The following SGCG variants were observed in gnomAD, a reference collection of about 807,000 sequenced individuals.
The protein encoded by SGCG is gamma-sarcoglycan.
Under a neutral mutation model 29.3 loss-of-function variants are expected in SGCG, and 26 were observed. That is an observed-to-expected ratio of 0.89 (90% CI 0.65 to 1.23). SGCG has a LOEUF of 1.23. SGCG is among the 50% of genes most tolerant of loss of function. The pLI is 0.00. For synonymous variants in SGCG, 145 were observed against 129.7 expected, an observed-to-expected ratio of 1.12 and a Z score of -0.80; for missense variants, 353 against 356.0, an observed-to-expected ratio of 0.99 and a Z score of 0.07.
At position 23,203,798 on chromosome 13, in the gene SGCG, G is replaced by T. The variant is rs771255124; in HGVS notation, c.104G>T (p.Cys35Phe). ...KIGIYGWRKR[C>F]LYLFVLLLLI... ...GGCATTTATGGCTGGAGAAAGCGCTGTCTCTACTTGTTTGTTCTTCTTTTA... is the reference window on the plus strand; with the variant it reads ...GGCATTTATGGCTGGAGAAAGCGCTTTCTCTACTTGTTTGTTCTTCTTTTA... The change falls in exon 2 of 8, where the codon TGT becomes TTT. Residue 35 changes from cysteine to phenylalanine, a missense_variant. Physicochemically the swap from Cys to Phe is radical, Grantham distance 205. Coordinates refer to ENST00000218867, the MANE Select transcript of SGCG (RefSeq NM_000231.3). The T allele has an allele frequency of 6.2e-7, 1 of 1,613,876 alleles. No homozygotes were observed. Among genetic ancestry groups the T allele is most frequent in the East Asian group, 2.2e-5 (1 of 44,872 alleles).
chr13:23,166,528 C>G, the SGCG span, among the ~76,000 whole-genome samples: 3 of 152,178 alleles, frequency 2.0e-5, no homozygotes, highest in Admixed American at 6.5e-5. Flanking sequence ...CTGTATTTGT[C>G]TGTCTGTCTC....
rs769313305 is a variant in SGCG at position 23,295,424 on chromosome 13, G to T, written c.515G>T (p.Gly172Val). 1 of 1,613,390 alleles carries T rather than the reference G, an allele frequency of 6.2e-7. No individual in the cohort carries two copies. The highest frequency in any genetic ancestry group is 1.3e-5 in the African/African-American group (1 of 74,834). The part of the protein sequence containing the change: ...TDKLRVTGPE[G>V]ALFEHSVETP... ...TTTGTTTTTTGTTTAGGGCCTGAAG[G>T]GGCTCTTTTTGAACATTCAGTGGAG... Residue 172 changes from glycine (G) to valine (V), a missense_variant, in exon 6 of 8, where the codon GGG becomes GTG. Physicochemically the swap from Gly to Val is moderately radical, Grantham distance 109 (BLOSUM62 -3). Coordinates refer to ENST00000218867, the MANE Select transcript of SGCG (RefSeq NM_000231.3).
At position 23,271,862 on chromosome 13, in the gene SGCG, A is replaced by G. The variant is rs777741554; in HGVS notation, c.386-7497A>G. The stretch of plus-strand genomic sequence containing the variant: ...TCAGAAGTATTACAAATTTTTCCTC[A>G]TATATTTTTCACACACATCTTATTA... On this transcript the variant is annotated intron_variant, in intron 4 of 7. Transcript: ENST00000218867. Among the ~76,000 whole-genome samples the G allele has an allele frequency of 1.4e-4, 22 of 152,098 alleles. 1 individual carries two copies. Among genetic ancestry groups the G allele is most frequent in the Non-Finnish European group, 2.6e-4 (18 of 68,006 alleles).
chr13:23,299,446 ATATATATATAT>A (rs1566037540), intron 6 of SGCG, among the ~76,000 whole-genome samples: 1 of 7,392 alleles, frequency 1.4e-4, no homozygotes, highest in African/African-American at 3.7e-4. Context: ...ATATATATAT[ATATATATATAT>A]TTTTTTTTTT....
At chr13:23,320,968 C>T (rs1020360260) in intron 7 of SGCG, among the ~76,000 whole-genome samples, 4 of 152,006 alleles carry the variant, frequency 2.6e-5, no homozygotes, top group Non-Finnish European at 5.9e-5. Flanking sequence ...GTATTAGATC[C>T]AGACAGCTTT....
intron 2 of SGCG, among the ~76,000 whole-genome samples, chr13:23,204,493 T>A (rs1222122724): frequency 6.6e-6 from 1 of 152,204 alleles, no homozygotes; most frequent in Non-Finnish European, 1.5e-5. Context: ...ACAAGATAGC[T>A]GCAGTGAGAT....
intron 2 of SGCG, among the ~76,000 whole-genome samples, chr13:23,224,328 C>T (rs1878804181): frequency 6.6e-6 from 1 of 152,212 alleles, no homozygotes; most frequent in African/African-American, 2.4e-5. Flanking sequence ...CTGTTCTCTA[C>T]ATTATAGTAT....
Position 23,295,426 on chromosome 13 carries a change from G to C in SGCG, c.517G>C (p.Ala173Pro), listed in dbSNP as rs886042216. ...TGTTTTTTGTTTAGGGCCTGAAGGGGCTCTTTTTGAACATTCAGTGGAGAC... is the reference window on the plus strand; with the variant it reads ...TGTTTTTTGTTTAGGGCCTGAAGGGCCTCTTTTTGAACATTCAGTGGAGAC... ...DKLRVTGPEG[A>P]LFEHSVETPL... The change falls in exon 6 of 8, where the codon GCT (alanine) becomes CCT (proline). Residue 173 changes from alanine (A) to proline (P), a missense_variant. Coordinates refer to ENST00000218867, the MANE Select transcript of SGCG (RefSeq NM_000231.3). 1 of 1,613,558 alleles carries C rather than the reference G, an allele frequency of 6.2e-7. No homozygotes were observed. The highest frequency in any genetic ancestry group is 1.1e-5 in the South Asian group (1 of 91,066).
At chr13:23,310,557 T>A (rs1882555746) in intron 6 of SGCG, among the ~76,000 whole-genome samples, 1 of 152,182 alleles carries the variant, frequency 6.6e-6, no homozygotes, top group South Asian at 2.1e-4. Context: ...ATGTTTCAAA[T>A]TTTTTGGTTT....
chr13:23,322,951 C>T (rs1313012793), intron 7 of SGCG, among the ~76,000 whole-genome samples: 1 of 152,088 alleles, frequency 6.6e-6, no homozygotes, highest in Non-Finnish European at 1.5e-5. Flanking sequence ...ATAATATTTG[C>T]TTAATTATGT....
intron 6 of SGCG, among the ~76,000 whole-genome samples, chr13:23,298,561 T>A (rs1322211533): frequency 6.6e-6 from 1 of 152,170 alleles, no homozygotes; most frequent in Non-Finnish European, 1.5e-5. Context: ...TATAACAAGG[T>A]TTAATTTTGA....
At chr13:23,299,410 A>ATG (rs1566037290) in intron 6 of SGCG, among the ~76,000 whole-genome samples, 55 of 37,082 alleles carry the variant, frequency 1.5e-3, no homozygotes, top group South Asian at 3.6e-3. Context: ...TAGTTGGCAT[A>ATG]TATATATATA....
At chr13:23,224,835 A>G (rs1334405887) in intron 2 of SGCG, among the ~76,000 whole-genome samples, 1 of 152,124 alleles carries the variant, frequency 6.6e-6, no homozygotes, top group African/African-American at 2.4e-5. Flanking sequence ...CAATGCCCAG[A>G]TCATACAATA....
intron 4 of SGCG, among the ~76,000 whole-genome samples, chr13:23,273,572 T>C (rs745825460): frequency 6.6e-6 from 1 of 152,226 alleles, no homozygotes; most frequent in African/African-American, 2.4e-5. Flanking sequence ...TTCTAAAATA[T>C]AGTGTTTTCA....
chr13:23,222,213 G>C (rs1878697438), intron 2 of SGCG, among the ~76,000 whole-genome samples: 1 of 152,086 alleles, frequency 6.6e-6, no homozygotes, highest in Non-Finnish European at 1.5e-5. Flanking sequence ...CTAGTCTTAG[G>C]TACACGTATT....
rs142168071 is a variant in SGCG, at chr13:23,197,381, T to A, written c.1-6314T>A. Among the ~76,000 whole-genome samples, 43 of 152,312 alleles carry A rather than the reference T, an allele frequency of 2.8e-4. 1 individual carries two copies. In the East Asian group the frequency reaches 7.9e-3, roughly 28 times the overall value. On this transcript the variant is annotated intron_variant, in intron 1 of 7. Coordinates refer to ENST00000218867, the MANE Select transcript of SGCG (RefSeq NM_000231.3). ...AAATTATCTATCTGGATATTAGAGC[T>A]AGGTGACATGGCTTATGAAAGACAG...
chr13:23,281,457 A>G (rs1238328189), intron 5 of SGCG, among the ~76,000 whole-genome samples: 1 of 152,026 alleles, frequency 6.6e-6, no homozygotes, highest in Non-Finnish European at 1.5e-5. Context: ...GTGTTTCTAG[A>G]GAGTCCCCAG....
chr13:23,264,815 A>G (rs181337397), intron 4 of SGCG, among the ~76,000 whole-genome samples: 135 of 152,334 alleles, frequency 8.9e-4, no homozygotes, highest in African/African-American at 3.0e-3. Flanking sequence ...ATACAAAAAC[A>G]TAAACTGGGG....
chr13:23,260,300 G>A (rs1880374785), intron 4 of SGCG, among the ~76,000 whole-genome samples: 1 of 152,090 alleles, frequency 6.6e-6, no homozygotes, highest in Non-Finnish European at 1.5e-5. Context: ...ATTATGTAAT[G>A]GCCTTCTTTG....
Sources: allele counts gnomAD v4.1 joint callset (sites outside exome capture counted in the v4.1 genomes callset), GRCh38; gene constraint gnomAD v4.1.1; transcripts MANE v1.5; gene names NCBI Gene and HGNC (gene_info 2026-07-23, HGNC 2026-07-21).